UTP6: variants seen among roughly 807,000 people sequenced by gnomAD.
UTP6 encodes UTP6 small subunit processome component, also known as U3 small nucleolar RNA-associated protein 6 homolog.
In UTP6, 60 loss-of-function variants were observed where a neutral mutation model predicts 96.5. That is an observed-to-expected ratio of 0.62 (90% CI 0.51 to 0.77). The LOEUF is 0.77. UTP6 is among the 30% of genes least tolerant of loss of function. UTP6 has a pLI of 0.00. For missense variants in UTP6, 637 were observed against 706.5 expected (o/e 0.90, Z 1.12); for synonymous variants, 215 against 240.1 (o/e 0.90, Z 0.96).
intron 13 of UTP6, among the ~76,000 whole-genome samples, chr17:31,876,147 C>T (rs1910490098): frequency 6.6e-6 from 1 of 151,870 alleles, no homozygotes; most frequent in Non-Finnish European, 1.5e-5. Flanking sequence ...AGCAATTCTC[C>T]TCCCTCAGCC....
At chr17:31,878,980 T>C (rs1170355162) in intron 11 of UTP6, among the ~76,000 whole-genome samples, 199 bp from the exon 12 acceptor site, 1 of 152,190 alleles carries the variant, frequency 6.6e-6, no homozygotes, top group Non-Finnish European at 1.5e-5. Flanking sequence ...ACCTCAAATA[T>C]TGGGGGAAAA....
intron 17 of UTP6, among the ~76,000 whole-genome samples, chr17:31,867,145 C>T (rs1909871732): frequency 6.6e-6 from 1 of 152,130 alleles, no homozygotes; most frequent in South Asian, 2.1e-4. Context: ...AATCCAAAGC[C>T]TGGCTATTAC....
chr17:31,900,560 GA>G (rs1190364588), intron 1 of UTP6, among the ~76,000 whole-genome samples: 1 of 152,152 alleles, frequency 6.6e-6, no homozygotes, highest in African/African-American at 2.4e-5. Flanking sequence ...AAAGTGCTGG[GA>G]TTACAGGCGT....
In UTP6 at chr17:31,880,575, G is replaced by T; in HGVS notation, c.965C>A (p.Thr322Lys). The T allele has an allele frequency of 6.2e-7, 1 of 1,614,110 alleles. No homozygotes were observed. The highest frequency in any genetic ancestry group is 8.5e-7 in the Non-Finnish European group (1 of 1,180,006). Residue 322 changes from threonine (T) to lysine (K), a missense_variant and splice_region_variant, in exon 11 of 19, where the codon ACA (threonine) becomes AAA (lysine). By Grantham distance (78) the Thr-to-Lys change is moderately conservative (BLOSUM62 -1). Transcript: ENST00000261708. Reference protein sequence around the residue: ...VYEEAVKTLPTEAMWKCYITF... With the variant: ...VYEEAVKTLPKEAMWKCYITF... Reference sequence around the variant, plus strand: ...CACCATGGTTTGGTGAAGTTCACCTGTTGGCAGAGTCTTCACTGCCTCTTC... The same window carrying T: ...CACCATGGTTTGGTGAAGTTCACCTTTTGGCAGAGTCTTCACTGCCTCTTC...
chr17:31,890,835 A>G (rs2142318040), intron 6 of UTP6, among the ~76,000 whole-genome samples: 1 of 151,594 alleles, frequency 6.6e-6, no homozygotes, highest in African/African-American at 2.4e-5. Context: ...AAAAATACAA[A>G]AATTAGCCAG....
At chr17:31,888,057 C>T (rs1911256933) in intron 7 of UTP6, 1 of 149,932 alleles carries the variant, frequency 6.7e-6, no homozygotes. Context: ...TACATTCTTT[C>T]TCTTATTTGG....
chr17:31,885,560 C>G (rs1010444486), intron 9 of UTP6, among the ~76,000 whole-genome samples: 1 of 151,746 alleles, frequency 6.6e-6, no homozygotes, highest in Admixed American at 6.6e-5. Flanking sequence ...GAGGCCAAGG[C>G]GGGCAGGTCA....
At chr17:31,863,965 T>A (rs542749626) in intron 18 of UTP6, among the ~76,000 whole-genome samples, 7 of 152,296 alleles carry the variant, frequency 4.6e-5, no homozygotes, top group African/African-American at 1.4e-4. Context: ...CCTTCCAAAG[T>A]GCTGGGATTA....
chr17:31,873,971 A>C (rs1055780852), intron 14 of UTP6: 17 of 494,160 alleles, frequency 3.4e-5, no homozygotes, highest in Non-Finnish European at 5.2e-5. Context: ...TTGTGACAGA[A>C]TTCTCATTGC....
In UTP6 at chr17:31,885,963, G is replaced by A. The variant is rs1431199790; in HGVS notation, c.703+17C>T. 1 of 1,601,680 alleles carries A rather than the reference G, an allele frequency of 6.2e-7. No individual in the cohort carries two copies. Among genetic ancestry groups the A allele is most frequent in the Non-Finnish European group, 8.5e-7 (1 of 1,173,954 alleles). On this transcript the variant is annotated intron_variant, in intron 9 of 18. Transcript: ENST00000261708. ...GTTTCACTTTCCTACCAAAAATAATGTTCAAAAGATACCTACCTTTAATTA... is the reference window on the plus strand; with the variant it reads ...GTTTCACTTTCCTACCAAAAATAATATTCAAAAGATACCTACCTTTAATTA...
At chr17:31,873,960 A>G in intron 14 of UTP6, 1 of 519,338 alleles carries the variant, frequency 1.9e-6, no homozygotes, top group Non-Finnish European at 3.2e-6. Context: ...AACAGTCCTC[A>G]TTGTGACAGA....
chr17:31,895,015 T>C lies in UTP6; in HGVS notation c.178-4A>G, dbSNP rs202017290. On this transcript the variant is annotated splice_region_variant and splice_polypyrimidine_tract_variant and intron_variant, in intron 2 of 18. Transcript: ENST00000261708. Reference sequence around the variant, plus strand: ...GCTCCAAAAGATTAATTTCATACTATGAAAGAAAAACATACAAAAAAATGA... The same window carrying C: ...GCTCCAAAAGATTAATTTCATACTACGAAAGAAAAACATACAAAAAAATGA... The C allele has an allele frequency of 2.0e-6, 3 of 1,519,228 alleles. No homozygotes were observed. Among genetic ancestry groups the C allele is most frequent in the Non-Finnish European group, 1.8e-6 (2 of 1,127,114 alleles). 94.1% of individuals were successfully genotyped at this position (1,519,228 alleles called of 1,614,324 possible).
intron 13 of UTP6, among the ~76,000 whole-genome samples, chr17:31,875,989 C>G (rs962661956): frequency 1.3e-5 from 2 of 151,956 alleles, no homozygotes; most frequent in Non-Finnish European, 2.9e-5. Context: ...ACGTAAAAAC[C>G]AGAGAACCTA....
rs574465573 is a variant in UTP6 at position 31,900,526 on chromosome 17, G to A, written c.93-796C>T. ...AGGCTGGTCTCGAACTCCTGACCTC[G>A]TGATCCACCCACCTCGGCCTCCCAA... On this transcript the variant is annotated intron_variant, in intron 1 of 18. Coordinates refer to ENST00000261708, the MANE Select transcript of UTP6 (RefSeq NM_018428.3). Among the ~76,000 whole-genome samples the A allele has an allele frequency of 4.9e-3, 740 of 152,184 alleles. 3 individuals carry two copies. The highest frequency in any genetic ancestry group is 0.017 in the African/African-American group (690 of 41,532).
At chr17:31,896,696 G>A (rs1181506882) in intron 2 of UTP6, among the ~76,000 whole-genome samples, 4 of 151,322 alleles carry the variant, frequency 2.6e-5, no homozygotes, top group African/African-American at 9.7e-5. Flanking sequence ...AAGTGCAATG[G>A]CGCCATCATG....
At position 31,867,980 on chromosome 17, in the gene UTP6, A is replaced by G. The variant is rs535846785; in HGVS notation, c.1563+66T>C. 3.9e-6 allele frequency: 6 copies of G among 1,530,160 alleles called. No homozygotes were observed. The East Asian group carries it at 1.2e-4, about 29-fold the overall frequency. The allele number at this position is 1,530,160 out of a possible 1,614,324, so 94.8% of individuals were successfully genotyped here. On this transcript the variant is annotated intron_variant, in intron 17 of 18. Transcript: ENST00000261708. ...CAAAAAAAACAAAAAAACAAAAAAC[A>G]GTCTGATAGATTAGTAACCACTAAT...
chr17:31,863,480 T>TGG lies in UTP6; in HGVS notation c.1671_1672dup (p.His558ProfsTer18). ...ACAGTTCTCAGGTCTACCAAGGGGGTGGTTCAATTCTTCTTTCATATAATC... is the reference window on the plus strand; with the variant it reads ...ACAGTTCTCAGGTCTACCAAGGGGGTGGGGTTCAATTCTTCTTTCATATAATC... On this transcript the variant is annotated frameshift_variant, in exon 19 of 19. Transcript: ENST00000261708. LOFTEE classifies it high-confidence loss of function. The TGG allele has an allele frequency of 6.2e-7, 1 of 1,612,408 alleles. No homozygotes were observed. The highest frequency in any genetic ancestry group is 8.5e-7 in the Non-Finnish European group (1 of 1,179,488).
chr17:31,894,929 T>C, intron 3 of UTP6, 41 bp downstream of exon 3: 1 of 1,518,238 alleles, frequency 6.6e-7, no homozygotes, highest in Non-Finnish European at 9.1e-7. Flanking sequence ...TACTGCTTAG[T>C]TCTGTATTTT....
chr17:31,877,118 TA>T (rs1910543452), intron 13 of UTP6, among the ~76,000 whole-genome samples: 1 of 152,162 alleles, frequency 6.6e-6, no homozygotes, highest in Non-Finnish European at 1.5e-5. Context: ...TAACATAAAC[TA>T]AAGCAAATTT....
Sources: allele counts gnomAD v4.1 joint callset (sites outside exome capture counted in the v4.1 genomes callset), GRCh38; gene constraint gnomAD v4.1.1; transcripts MANE v1.5; gene names NCBI Gene and HGNC (gene_info 2026-07-23, HGNC 2026-07-21).